EDEM2: variants seen among roughly 807,000 people sequenced by gnomAD.
EDEM2 encodes the protein ER degradation enhancing alpha-mannosidase like protein 2, also known as ER degradation-enhancing alpha-mannosidase-like protein 2.
In EDEM2, 39 loss-of-function variants were observed where a neutral mutation model predicts 64.8. The ratio of observed to expected loss-of-function variants is 0.60; its 90% confidence interval spans 0.47 to 0.79. The LOEUF (loss-of-function observed/expected upper bound fraction) is 0.79. Among genes scored for constraint, EDEM2 ranks in the 30% least tolerant of loss-of-function variants. EDEM2 has a pLI of 0.00. For missense variants in EDEM2, 609 were observed against 731.3 expected (o/e 0.83, Z 1.93); for synonymous variants, 296 against 291.5 (o/e 1.02, Z -0.16).
chr20:35,123,914 G>C lies in EDEM2; in HGVS notation c.1090C>G (p.Arg364Gly). The C allele has an allele frequency of 6.2e-7, 1 of 1,614,064 alleles. No homozygotes were observed. The highest frequency in any genetic ancestry group is 8.5e-7 in the Non-Finnish European group (1 of 1,179,982). The change falls in exon 9 of 11, where the codon CGA (arginine) becomes GGA (glycine). Residue 364 changes from arginine (R) to glycine (G), a missense_variant. By Grantham distance (125) the Arg-to-Gly change is moderately radical. Coordinates refer to ENST00000374492, the MANE Select transcript of EDEM2 (RefSeq NM_018217.3). ...CCTGGCCGAAGTGGGTAGCCCTCTCGCTTCTCCACTGTGTATCCCTGAGGA... is the reference window on the plus strand; with the variant it reads ...CCTGGCCGAAGTGGGTAGCCCTCTCCCTTCTCCACTGTGTATCCCTGAGGA... The part of the protein sequence containing the change: ...NIPQGYTVEK[R>G]EGYPLRPELI...
chr20:35,139,209 G>C lies in EDEM2; in HGVS notation c.365-1204C>G, dbSNP rs886714980. Among the ~76,000 whole-genome samples the C allele has an allele frequency of 3.9e-5, 6 of 152,236 alleles. No homozygotes were observed. The South Asian group carries it at 1.2e-3, about 32-fold the overall frequency. On this transcript the variant is annotated intron_variant, in intron 4 of 10. Coordinates refer to ENST00000374492, the MANE Select transcript of EDEM2 (RefSeq NM_018217.3). The stretch of plus-strand genomic sequence containing the variant: ...ACTAAAAATACAAAATATTAGCTGG[G>C]CGTGGTGGCAAGCGCCTGCAGTCCC...
chr20:35,126,572 G>C (rs1228891138), intron 7 of EDEM2, among the ~76,000 whole-genome samples, 197 bp from the exon 8 acceptor site: 1 of 152,146 alleles, frequency 6.6e-6, no homozygotes, highest in East Asian at 1.9e-4. Context: ...CTTGCTAACC[G>C]TGACCTGGGG....
chr20:35,118,097 G>A (rs1409283199), intron 10 of EDEM2, among the ~76,000 whole-genome samples: 7 of 152,118 alleles, frequency 4.6e-5, no homozygotes, highest in Admixed American at 4.6e-4. Flanking sequence ...TAAAATGTAA[G>A]CTCCATGAGA....
intron 4 of EDEM2, among the ~76,000 whole-genome samples, chr20:35,139,068 T>C (rs1029655377): frequency 1.3e-5 from 2 of 152,126 alleles, no homozygotes; most frequent in Non-Finnish European, 1.5e-5. Flanking sequence ...AAGGTCCCTA[T>C]GCAGGCCAGG....
rs774344197 is a variant in EDEM2 at position 35,115,721 on chromosome 20, G to A, written c.1449C>T (p.Ala483=). 125 of 1,613,350 alleles carry A rather than the reference G, an allele frequency of 7.7e-5. No homozygotes were observed. In the African/African-American group the frequency reaches 1.3e-3, roughly 16 times the overall value. The change falls in exon 11 of 11, where the codon GCC becomes GCT. Residue 483 remains alanine, a synonymous_variant. Coordinates refer to ENST00000374492, the MANE Select transcript of EDEM2 (RefSeq NM_018217.3). ...TCAGCCTCTGGCAGCAGTGCAGGGC[G>A]GCAGGGTCGATGGGGTGAGCTTCTG... ...FNTEAHPIDP[A]ALHCCQRLKE...
intron 7 of EDEM2, among the ~76,000 whole-genome samples, chr20:35,130,665 G>A (rs767020994): frequency 1.3e-5 from 2 of 152,042 alleles, no homozygotes; most frequent in South Asian, 2.1e-4. Flanking sequence ...TCAAAATATC[G>A]TATCTGACTG....
chr20:35,132,758 G>A (rs901905090), intron 6 of EDEM2, among the ~76,000 whole-genome samples: 4 of 152,014 alleles, frequency 2.6e-5, no homozygotes, highest in African/African-American at 4.8e-5. Context: ...GGCTGGTCTC[G>A]AACTCCCGAC....
intron 1 of EDEM2, 73 bp from the exon 2 acceptor site, chr20:35,147,008 C>A: frequency 1.9e-6 from 3 of 1,564,196 alleles, no homozygotes; most frequent in South Asian, 2.3e-5. Context: ...AGATACAGGG[C>A]GGAAAGTGGG....
In EDEM2 at chr20:35,128,547, C is replaced by T. The variant is rs975874143; in HGVS notation, c.845-2172G>A. Among the ~76,000 whole-genome samples, 11 of 133,084 alleles carry T rather than the reference C, an allele frequency of 8.3e-5. 1 individual carries two copies. Among genetic ancestry groups the T allele is most frequent in the African/African-American group, 3.2e-4 (11 of 34,430 alleles). The allele number at this position is 133,084 out of a possible 152,430, so 87.3% of individuals were successfully genotyped here. A position where few individuals can be genotyped will look rare whatever the true frequency, so the allele number is the denominator to read the frequency against. ...TGCCACTGCACTCCAGCCTGGGCAACATAAGCAAAACTCTGTCTAAAAAAA... is the reference window on the plus strand; with the variant it reads ...TGCCACTGCACTCCAGCCTGGGCAATATAAGCAAAACTCTGTCTAAAAAAA... On this transcript the variant is annotated intron_variant, in intron 7 of 10. Coordinates refer to ENST00000374492, the MANE Select transcript of EDEM2 (RefSeq NM_018217.3).
rs901013287 is a variant in EDEM2 at position 35,146,987 on chromosome 20, G to A, written c.108-52C>T. On this transcript the variant is annotated intron_variant, in intron 1 of 10. Transcript: ENST00000374492. ...TGGGGCAAGAACACAAAAACAAGCG[G>A]GGGAAGAACAAGATACAGGGCGGAA... is the stretch of plus-strand genomic sequence containing the variant. 5.0e-6 allele frequency: 8 copies of A among 1,585,850 alleles called. No homozygotes were observed. The Admixed American group carries it at 1.1e-4, about 21-fold the overall frequency.
chr20:35,118,822 AAGGCCCCAACT>A (rs1380782113), intron 9 of EDEM2, 103 bp from the exon 10 acceptor site: 3 of 1,512,968 alleles, frequency 2.0e-6, no homozygotes, highest in Non-Finnish European at 2.7e-6. Flanking sequence ...TCTTGTCCAT[AAGGCCCCAACT>A]AGCAGGAACA....
intron 10 of EDEM2, among the ~76,000 whole-genome samples, chr20:35,117,951 T>G (rs1436004362): frequency 6.6e-6 from 1 of 152,182 alleles, no homozygotes. Context: ...TTCCTGTGGC[T>G]TACACAAAAC....
chr20:35,144,959 G>C lies in EDEM2; in HGVS notation c.258+20C>G, dbSNP rs1338090966. The stretch of plus-strand genomic sequence containing the variant: ...GGTTATGTAACAGTGGAAAGGAAAA[G>C]AAACAGACGAGATACTTACCAGCAA... On this transcript the variant is annotated intron_variant, in intron 3 of 10. Transcript: ENST00000374492. 1.9e-6 allele frequency: 3 copies of C among 1,613,580 alleles called. No homozygotes were observed. The highest frequency in any genetic ancestry group is 1.1e-5 in the South Asian group (1 of 91,032).
chr20:35,124,932 T>A (rs1305924787), intron 8 of EDEM2, among the ~76,000 whole-genome samples: 4 of 152,194 alleles, frequency 2.6e-5, no homozygotes, highest in Non-Finnish European at 5.9e-5. Context: ...ATTTTCAGAA[T>A]TAGGATCACT....
chr20:35,123,823 T>C (rs1160355458), intron 9 of EDEM2, 67 bp downstream of exon 9: 4 of 1,574,054 alleles, frequency 2.5e-6, no homozygotes, highest in Non-Finnish European at 3.5e-6. Context: ...TGGAGCCTTG[T>C]AGAGGGGATT....
chr20:35,129,570 CAA>C (rs202187228), intron 7 of EDEM2, among the ~76,000 whole-genome samples: 145 of 106,964 alleles, frequency 1.4e-3, no homozygotes, highest in African/African-American at 3.4e-3. Context: ...GACTCTATCT[CAA>C]AAAAAAAAAA....
chr20:35,129,299 C>T (rs1312160162), intron 7 of EDEM2, among the ~76,000 whole-genome samples: 3 of 151,944 alleles, frequency 2.0e-5, no homozygotes, highest in Non-Finnish European at 4.4e-5. Context: ...CCCAGCTACT[C>T]GGGAGGCTGA....
intron 9 of EDEM2, among the ~76,000 whole-genome samples, chr20:35,123,541 G>A (rs937625011): frequency 5.3e-5 from 8 of 151,254 alleles, no homozygotes; most frequent in South Asian, 2.1e-4. Context: ...GCGGTGAGCC[G>A]AGATCACACC....
At chr20:35,126,148 G>A (rs995512676) in intron 8 of EDEM2, 103 bp downstream of exon 8, 7 of 1,465,960 alleles carry the variant, frequency 4.8e-6, no homozygotes, top group Non-Finnish European at 6.4e-6. Flanking sequence ...TCCAAAAAAA[G>A]TACTCAAGCA....
Sources: allele counts gnomAD v4.1 joint callset (sites outside exome capture counted in the v4.1 genomes callset), GRCh38; gene constraint gnomAD v4.1.1; transcripts MANE v1.5; gene names NCBI Gene and HGNC (gene_info 2026-07-23, HGNC 2026-07-21).